The following PTPN4 variants were observed in gnomAD, a reference collection of about 807,000 sequenced individuals.
PTPN4 encodes the protein tyrosine-protein phosphatase non-receptor type 4.
Under a neutral mutation model 135.5 loss-of-function variants are expected in PTPN4, and 49 were observed. The ratio of observed to expected loss-of-function variants is 0.36; its 90% CI spans 0.29 to 0.46. PTPN4 has a LOEUF of 0.46. Ranked by LOEUF, PTPN4 falls within the 20% of genes least tolerant of loss-of-function variation. The pLI is 1.00. For synonymous variants in PTPN4, 333 were observed against 369.9 expected (o/e 0.90, Z 1.14); for missense variants, 860 against 1,101.0 (o/e 0.78, Z 3.10).
chr2:119,771,931 C>G lies in PTPN4; in HGVS notation c.-18+11547C>G, dbSNP rs1176227354. The stretch of plus-strand genomic sequence containing the variant: ...ACTGTAGCCAGAGTGATCTGACATT[C>G]ATATCTGATCAGAATTCTTTTGTTA... On this transcript the variant is annotated intron_variant, in intron 1 of 26. Transcript: ENST00000263708. Among the ~76,000 whole-genome samples the G allele has an allele frequency of 2.0e-5, 3 of 152,270 alleles. No homozygotes were observed. In the East Asian group the frequency reaches 5.8e-4, roughly 29 times the overall value.
chr2:119,899,093 A>C (rs1678366928), intron 9 of PTPN4, among the ~76,000 whole-genome samples: 1 of 152,208 alleles, frequency 6.6e-6, no homozygotes, highest in South Asian at 2.1e-4. Flanking sequence ...ATACAAAGCC[A>C]GCTACAATGT....
chr2:119,917,844 A>G (rs1350543130), intron 11 of PTPN4, among the ~76,000 whole-genome samples: 1 of 152,222 alleles, frequency 6.6e-6, no homozygotes, highest in Admixed American at 6.5e-5. Flanking sequence ...CCCAAACTTC[A>G]TACGATATAC....
chr2:119,946,513 T>A lies in PTPN4; in HGVS notation c.1600-5T>A, dbSNP rs1222251846. 1 of 1,607,864 alleles carries A rather than the reference T, an allele frequency of 6.2e-7. No homozygotes were observed. The highest frequency in any genetic ancestry group is 8.5e-7 in the Non-Finnish European group (1 of 1,176,430). On this transcript the variant is annotated splice_region_variant and splice_polypyrimidine_tract_variant and intron_variant, in intron 17 of 26. Coordinates refer to ENST00000263708, the MANE Select transcript of PTPN4 (RefSeq NM_002830.4). ...GACTAACATTTTACTTATTCTCTTT[T>A]TAAGGGAGGATATGATCAGAAGATG...
At chr2:119,908,413 C>T (rs1268665757) in intron 10 of PTPN4, among the ~76,000 whole-genome samples, 2 of 152,160 alleles carry the variant, frequency 1.3e-5, no homozygotes, top group African/African-American at 4.8e-5. Flanking sequence ...GTAGTTCTCA[C>T]AATAATTCAA....
At chr2:119,767,022 T>G (rs948952531) in intron 1 of PTPN4, among the ~76,000 whole-genome samples, 109 of 152,332 alleles carry the variant, frequency 7.2e-4, no homozygotes, top group Non-Finnish European at 3.2e-4. Flanking sequence ...TCAAACCTAA[T>G]GAGAAATCTC....
intron 2 of PTPN4, among the ~76,000 whole-genome samples, chr2:119,819,518 A>G (rs903874045): frequency 6.6e-6 from 1 of 152,222 alleles, no homozygotes; most frequent in African/African-American, 2.4e-5. Flanking sequence ...GTTGAGCCAA[A>G]TAGGACTTAG....
chr2:119,909,632 A>G (rs1310280826), intron 10 of PTPN4, among the ~76,000 whole-genome samples: 3 of 152,188 alleles, frequency 2.0e-5, no homozygotes, highest in African/African-American at 7.2e-5. Context: ...GTAAGGCTGT[A>G]GTGGCCATTG....
At chr2:119,776,583 T>G (rs1402071837) in intron 1 of PTPN4, among the ~76,000 whole-genome samples, 1 of 152,082 alleles carries the variant, frequency 6.6e-6, no homozygotes, top group Non-Finnish European at 1.5e-5. Flanking sequence ...CCCTTCCACT[T>G]CCTCCACCTC....
At chr2:119,778,058 A>AT (rs1460970435) in intron 1 of PTPN4, among the ~76,000 whole-genome samples, 4 of 151,500 alleles carry the variant, frequency 2.6e-5, no homozygotes, top group Non-Finnish European at 5.9e-5. Context: ...CTAATAAAAT[A>AT]TTTTTTGCTA....
At chr2:119,896,212 T>C (rs1489799263) in intron 9 of PTPN4, among the ~76,000 whole-genome samples, 2 of 152,180 alleles carry the variant, frequency 1.3e-5, no homozygotes, top group Non-Finnish European at 2.9e-5. Flanking sequence ...CATAGTATTT[T>C]TTTTTAAATA....
At chr2:119,792,828 ATGCCCC>A (rs1305067272) in intron 1 of PTPN4, among the ~76,000 whole-genome samples, 1 of 152,204 alleles carries the variant, frequency 6.6e-6, no homozygotes, top group Non-Finnish European at 1.5e-5. Flanking sequence ...AGGTTCTGTG[ATGCCCC>A]CTGAGCTGCA....
intron 1 of PTPN4, among the ~76,000 whole-genome samples, chr2:119,780,907 A>G (rs1690925297): frequency 6.6e-6 from 1 of 152,186 alleles, no homozygotes; most frequent in South Asian, 2.1e-4. Context: ...TAACTGTAAA[A>G]TGGCATTTTT....
intron 1 of PTPN4, among the ~76,000 whole-genome samples, chr2:119,770,717 T>C (rs1690717310): frequency 6.6e-6 from 1 of 151,764 alleles, no homozygotes; most frequent in South Asian, 2.1e-4. Flanking sequence ...ATTGTATAGA[T>C]ATACTATTAA....
chr2:119,837,402 C>T (rs922563303), intron 2 of PTPN4, among the ~76,000 whole-genome samples: 4 of 152,014 alleles, frequency 2.6e-5, no homozygotes, highest in Admixed American at 2.6e-4. Context: ...GTCTCCTCTC[C>T]ACCGAGAGCT....
At chr2:119,884,681 TATA>T (rs137934018) in intron 8 of PTPN4, among the ~76,000 whole-genome samples, 1,577 of 152,324 alleles carry the variant, frequency 0.01, 30 homozygotes, top group African/African-American at 0.036. Context: ...TTATTGATTA[TATA>T]TATCTATTTG....
intron 10 of PTPN4, among the ~76,000 whole-genome samples, chr2:119,911,618 C>A (rs1246081262): frequency 6.6e-6 from 1 of 151,960 alleles, no homozygotes; most frequent in African/African-American, 2.4e-5. Flanking sequence ...TACTTCTCTT[C>A]AGCTTTGTAC....
At chr2:119,942,993 T>C (rs572391292) in intron 15 of PTPN4, among the ~76,000 whole-genome samples, 1 of 152,352 alleles carries the variant, frequency 6.6e-6, no homozygotes, top group South Asian at 2.1e-4. Context: ...TATGCTCTGA[T>C]GCAGTCTTTG....
intron 1 of PTPN4, among the ~76,000 whole-genome samples, chr2:119,768,012 A>G (rs1052850748): frequency 5.9e-5 from 9 of 152,250 alleles, no homozygotes; most frequent in African/African-American, 1.9e-4. Context: ...ATCAGCCACA[A>G]CTGTGAAAGT....
intron 22 of PTPN4, among the ~76,000 whole-genome samples, 200 bp downstream of exon 22, chr2:119,957,277 G>A (rs1202095155): frequency 1.3e-5 from 2 of 152,164 alleles, no homozygotes; most frequent in South Asian, 2.1e-4. Context: ...GAATAGTCCA[G>A]TTCATAAATA....
Sources: allele counts gnomAD v4.1 joint callset (sites outside exome capture counted in the v4.1 genomes callset), GRCh38; gene constraint gnomAD v4.1.1; transcripts MANE v1.5; gene names NCBI Gene and HGNC (gene_info 2026-07-23, HGNC 2026-07-21).